The following PDZRN4 variants were observed in gnomAD, a reference collection of about 807,000 sequenced individuals.
The protein encoded by PDZRN4 is PDZ domain containing ring finger 4.
Under a neutral mutation model 99.0 loss-of-function variants are expected in PDZRN4, and 70 were observed. That is an observed-to-expected ratio of 0.71 (90% confidence interval 0.58 to 0.86). PDZRN4 has a LOEUF of 0.86. PDZRN4 is among the 40% of genes least tolerant of loss of function. The probability of loss-of-function intolerance (pLI) is 0.00; values close to 1 mark genes in which losing one functional copy is unlikely to be tolerated. For missense variants in PDZRN4, 1,474 were observed against 1,331.2 expected (o/e 1.11, Z -1.67); for synonymous variants, 551 against 501.6 (o/e 1.10, Z -1.32).
At chr12:41,460,439 G>GTTCA (rs1952860974) in intron 3 of PDZRN4, among the ~76,000 whole-genome samples, 1 of 152,136 alleles carries the variant, frequency 6.6e-6, no homozygotes. Context: ...TATAAACTGA[G>GTTCA]TCTGGAAAGA....
At chr12:41,415,643 G>A (rs1026444741) in intron 3 of PDZRN4, among the ~76,000 whole-genome samples, 4 of 152,072 alleles carry the variant, frequency 2.6e-5, no homozygotes, top group South Asian at 2.1e-4. Flanking sequence ...TTTTTCTTCC[G>A]TATCTAAAGG....
At chr12:41,387,521 G>A (rs1197788827) in intron 3 of PDZRN4, among the ~76,000 whole-genome samples, 1 of 152,154 alleles carries the variant, frequency 6.6e-6, no homozygotes, top group African/African-American at 2.4e-5. Context: ...GAACCCAGAA[G>A]GTGAAGATTG....
Position 41,190,476 on chromosome 12 carries a change from A to C in PDZRN4, c.649-982A>C, listed in dbSNP as rs1475842126. On this transcript the variant is annotated intron_variant, in intron 1 of 9. Coordinates refer to ENST00000402685, the MANE Select transcript of PDZRN4 (RefSeq NM_001164595.2). Reference sequence around the variant, plus strand: ...GAAGGAAAGGAGGAACAGCTAGAATAATATTACAGAAAAGTCCATGCAACA... The same window carrying C: ...GAAGGAAAGGAGGAACAGCTAGAATCATATTACAGAAAAGTCCATGCAACA... Among the ~76,000 whole-genome samples, 3 of 152,204 alleles carry C rather than the reference A, an allele frequency of 2.0e-5. No individual in the cohort carries two copies. In the South Asian group the frequency reaches 6.2e-4, roughly 31 times the overall value.
Position 41,496,277 on chromosome 12 carries a change from C to A in PDZRN4, c.844-10179C>A, listed in dbSNP as rs1938001984. Among the ~76,000 whole-genome samples, 3 of 152,114 alleles carry A rather than the reference C, an allele frequency of 2.0e-5. No homozygotes were observed. In the South Asian group the frequency reaches 6.2e-4, roughly 32 times the overall value. On this transcript the variant is annotated intron_variant, in intron 3 of 9. Coordinates refer to ENST00000402685, the MANE Select transcript of PDZRN4 (RefSeq NM_001164595.2). ...AACGTGTATCCCCAGAGAGTAGCCT[C>A]ATCTCTGTCACTCAAGAGTTACCCA...
At chr12:41,421,547 C>A (rs1952490900) in intron 3 of PDZRN4, among the ~76,000 whole-genome samples, 1 of 152,106 alleles carries the variant, frequency 6.6e-6, no homozygotes, top group Non-Finnish European at 1.5e-5. Flanking sequence ...TGTTGGCACT[C>A]TCTTACATGG....
intron 3 of PDZRN4, among the ~76,000 whole-genome samples, chr12:41,399,312 C>T (rs1952273032): frequency 6.6e-6 from 1 of 152,164 alleles, no homozygotes; most frequent in Admixed American, 6.6e-5. Context: ...TATTAAAATT[C>T]AAATAGTGAA....
At chr12:41,257,887 A>T (rs960462833) in intron 3 of PDZRN4, among the ~76,000 whole-genome samples, 1 of 152,226 alleles carries the variant, frequency 6.6e-6, no homozygotes, top group Non-Finnish European at 1.5e-5. Flanking sequence ...TATATATTTA[A>T]CAGTAATATT....
intron 3 of PDZRN4, among the ~76,000 whole-genome samples, chr12:41,477,232 G>A (rs1203591386): frequency 2.0e-5 from 3 of 152,174 alleles, no homozygotes; most frequent in East Asian, 3.9e-4. Flanking sequence ...GATTCCATAA[G>A]GACACTTCAG....
chr12:41,489,866 T>C (rs1223983018), intron 3 of PDZRN4, among the ~76,000 whole-genome samples: 1 of 152,166 alleles, frequency 6.6e-6, no homozygotes, highest in Admixed American at 6.5e-5. Flanking sequence ...ATATAGTCAT[T>C]AGAGCTTGAG....
In PDZRN4 at chr12:41,573,281, C is replaced by T. The variant is rs1353869420; in HGVS notation, c.2502C>T (p.His834=). 1 of 1,613,736 alleles carries T rather than the reference C, an allele frequency of 6.2e-7. No individual in the cohort carries two copies. Among genetic ancestry groups the T allele is most frequent in the South Asian group, 1.1e-5 (1 of 91,082 alleles). ...SEHIPYLSPY[H]SSSYRYANIP... is the part of the protein sequence containing the mutation. ...ACATCCCTTACCTCTCTCCTTACCA[C>T]AGCTCCTCATATAGATATGCAAACA... The change falls in exon 10 of 10, where the codon CAC becomes CAT. Residue 834 remains histidine (H), a synonymous_variant. Transcript: ENST00000402685.
At chr12:41,524,679 G>A (rs1372450409) in intron 5 of PDZRN4, among the ~76,000 whole-genome samples, 2 of 152,122 alleles carry the variant, frequency 1.3e-5, no homozygotes, top group Non-Finnish European at 2.9e-5. Flanking sequence ...TATTATAAGT[G>A]AAATAAAAGG....
intron 3 of PDZRN4, among the ~76,000 whole-genome samples, chr12:41,389,865 A>G (rs1346310547): frequency 6.6e-6 from 1 of 152,176 alleles, no homozygotes; most frequent in African/African-American, 2.4e-5. Flanking sequence ...GCTGGATTTT[A>G]CCACCTTCTG....
chr12:41,540,273 C>T (rs1362538867), intron 5 of PDZRN4, among the ~76,000 whole-genome samples: 1 of 152,118 alleles, frequency 6.6e-6, no homozygotes, highest in Middle Eastern at 3.2e-3. Context: ...AATAATTAAT[C>T]TTGTAAATCA....
chr12:41,446,850 ATT>A (rs36011837), intron 3 of PDZRN4, among the ~76,000 whole-genome samples: 13,572 of 138,868 alleles, frequency 0.098, 603 homozygotes, highest in Non-Finnish European at 0.12. Context: ...ACCAAGGGCA[ATT>A]TTTTTTTTTT....
chr12:41,483,262 A>T (rs1937710912), intron 3 of PDZRN4, among the ~76,000 whole-genome samples: 1 of 152,176 alleles, frequency 6.6e-6, no homozygotes, highest in African/African-American at 2.4e-5. Context: ...AAAAGTAGCA[A>T]TTCATTTTCA....
rs78143592 is a variant in PDZRN4 at position 41,562,272 on chromosome 12, G to C, written c.1366-1276G>C. 7.9e-3 allele frequency among the ~76,000 whole-genome samples: 1,196 copies of C among 151,950 alleles called. 39 individuals carry two copies. The East Asian group carries it at 0.14, about 17-fold the overall frequency. On this transcript the variant is annotated intron_variant, in intron 7 of 9. Transcript: ENST00000402685. Reference sequence around the variant, plus strand: ...ATACATATAAGAGTATAGGAATAAGGATTATTTATTGTGGTTCAAGGTTGA... The same window carrying C: ...ATACATATAAGAGTATAGGAATAAGCATTATTTATTGTGGTTCAAGGTTGA...
At chr12:41,466,383 T>G (rs763152649) in intron 3 of PDZRN4, among the ~76,000 whole-genome samples, 30 of 152,176 alleles carry the variant, frequency 2.0e-4, no homozygotes, top group African/African-American at 4.3e-4. Flanking sequence ...CAGGAGAAAT[T>G]ACAGGAGGAT....
intron 3 of PDZRN4, among the ~76,000 whole-genome samples, chr12:41,274,140 T>C (rs1192436176): frequency 1.3e-5 from 2 of 152,096 alleles, no homozygotes; most frequent in Non-Finnish European, 2.9e-5. Context: ...TAGAATAAAT[T>C]GTAGCCACAT....
chr12:41,214,907 A>G (rs977457098), intron 3 of PDZRN4, among the ~76,000 whole-genome samples: 14 of 152,118 alleles, frequency 9.2e-5, no homozygotes, highest in African/African-American at 3.4e-4. Context: ...AAAAGCATTA[A>G]ATAATGTTCA....
Sources: allele counts gnomAD v4.1 joint callset (sites outside exome capture counted in the v4.1 genomes callset), GRCh38; gene constraint gnomAD v4.1.1; transcripts MANE v1.5; gene names NCBI Gene and HGNC (gene_info 2026-07-23, HGNC 2026-07-21).